Variants in LPXN observed in about 807,000 individuals in gnomAD.
The protein encoded by LPXN is leupaxin.
Under a neutral mutation model 45.6 loss-of-function variants are expected in LPXN, and 28 were observed. The ratio of observed to expected loss-of-function variants is 0.61; its 90% CI spans 0.45 to 0.84. The LOEUF (loss-of-function observed/expected upper bound fraction) is 0.84, where lower values mean the gene tolerates loss of function less well. Ranked by LOEUF, LPXN falls within the 40% of genes least tolerant of loss-of-function variation. The pLI is 0.00. For synonymous variants in LPXN, 166 were observed against 169.9 expected (o/e 0.98, Z 0.18); for missense variants, 459 against 475.0 (o/e 0.97, Z 0.31).
intron 7 of LPXN, among the ~76,000 whole-genome samples, chr11:58,533,194 T>C (rs990318812): frequency 6.6e-6 from 1 of 152,178 alleles, no homozygotes; most frequent in Admixed American, 6.5e-5. Context: ...GTCCGCGGCT[T>C]CATTCTTGAA....
At chr11:58,570,333 A>T (rs994118593) in intron 2 of LPXN, among the ~76,000 whole-genome samples, 1 of 151,588 alleles carries the variant, frequency 6.6e-6, no homozygotes, top group South Asian at 2.1e-4. Flanking sequence ...AAAAAATAAA[A>T]AAAATAAAAA....
chr11:58,569,827 T>C (rs919971439), intron 2 of LPXN, among the ~76,000 whole-genome samples: 1 of 152,208 alleles, frequency 6.6e-6, no homozygotes, highest in Non-Finnish European at 1.5e-5. Flanking sequence ...TGGGAAGTAG[T>C]GACCCTAAAA....
At chr11:58,576,545 T>C (rs952869696), upstream of LPXN, among the ~76,000 whole-genome samples, 5 of 152,220 alleles carry the variant, frequency 3.3e-5, no homozygotes, top group Non-Finnish European at 1.5e-5. Flanking sequence ...ACTCTTCACC[T>C]TTTTTACCAC....
intron 1 of LPXN, among the ~76,000 whole-genome samples, chr11:58,571,316 G>C (rs879456816): frequency 4.4e-4 from 67 of 151,178 alleles, no homozygotes; most frequent in Non-Finnish European, 4.6e-4. Flanking sequence ...AGCAGCCTGG[G>C]CCAAAGGAGT....
At chr11:58,567,622 T>A (rs1679572708) in intron 2 of LPXN, among the ~76,000 whole-genome samples, 1 of 152,252 alleles carries the variant, frequency 6.6e-6, no homozygotes, top group Admixed American at 6.5e-5. Context: ...GAAGTCATTT[T>A]AAGGCATATT....
At chr11:58,570,465 T>A in intron 2 of LPXN, 91 bp downstream of exon 2, 1 of 946,628 alleles carries the variant, frequency 1.1e-6, no homozygotes, top group Non-Finnish European at 1.6e-6. Context: ...TATATTATTC[T>A]CCTTTCATAT....
At chr11:58,564,872 C>T (rs1854482167) in intron 2 of LPXN, among the ~76,000 whole-genome samples, 1 of 152,076 alleles carries the variant, frequency 6.6e-6, no homozygotes, top group South Asian at 2.1e-4. Flanking sequence ...AACGCTTGAG[C>T]AAGGACTTAT....
At chr11:58,541,066 G>A (rs2120256660) in intron 7 of LPXN, among the ~76,000 whole-genome samples, 1 of 152,186 alleles carries the variant, frequency 6.6e-6, no homozygotes, top group African/African-American at 2.4e-5. Flanking sequence ...TTACATGTTA[G>A]ACCTAAAACC....
chr11:58,536,328 A>T (rs1451864249), intron 7 of LPXN, among the ~76,000 whole-genome samples: 1 of 152,214 alleles, frequency 6.6e-6, no homozygotes, highest in African/African-American at 2.4e-5. Flanking sequence ...ATCAATGGAC[A>T]GAACAAAGGC....
intron 2 of LPXN, 41 bp downstream of exon 2, chr11:58,570,515 C>A: frequency 6.8e-7 from 1 of 1,475,124 alleles, no homozygotes; most frequent in Non-Finnish European, 9.2e-7. Context: ...GAAATGCACT[C>A]AAACATCCAT....
chr11:58,551,184 C>A lies in LPXN; in HGVS notation c.367G>T (p.Asp123Tyr), dbSNP rs768945387. Residue 123 changes from aspartate (D) to tyrosine (Y), a missense_variant, in exon 5 of 9, where the codon GAT becomes TAT. Coordinates refer to ENST00000395074, the MANE Select transcript of LPXN (RefSeq NM_004811.3). ...ATTGAGTCCAGGGAGGCCTTGTGATCCTGCTTGTCTGGTAAGTGCTTCTTG... is the reference window on the plus strand; with the variant it reads ...ATTGAGTCCAGGGAGGCCTTGTGATACTGCTTGTCTGGTAAGTGCTTCTTG... Reference protein sequence around the residue: ...AGKKHLPDKQDHKASLDSMLG... With the variant: ...AGKKHLPDKQYHKASLDSMLG... 7 of 1,611,764 alleles carry A rather than the reference C, an allele frequency of 4.3e-6. No individual in the cohort carries two copies. The South Asian group carries it at 5.5e-5, about 13-fold the overall frequency.
At chr11:58,537,768 T>C (rs1180611288) in intron 7 of LPXN, among the ~76,000 whole-genome samples, 2 of 151,910 alleles carry the variant, frequency 1.3e-5, no homozygotes, top group Non-Finnish European at 2.9e-5. Context: ...AGAAATATTT[T>C]ATTTTATTTT....
chr11:58,573,571 C>T (rs1303512833), intron 1 of LPXN, among the ~76,000 whole-genome samples: 5 of 152,154 alleles, frequency 3.3e-5, no homozygotes, highest in Admixed American at 3.3e-4. Flanking sequence ...TATCAAAACC[C>T]TTCTTTCTGG....
chr11:58,560,545 C>T (rs1015996243), intron 3 of LPXN, among the ~76,000 whole-genome samples: 4 of 152,150 alleles, frequency 2.6e-5, no homozygotes, highest in Admixed American at 2.6e-4. Context: ...TTTTCCTACT[C>T]TTATGCAAAC....
intron 7 of LPXN, among the ~76,000 whole-genome samples, chr11:58,535,215 C>T (rs1056813015): frequency 1.1e-4 from 16 of 151,944 alleles, no homozygotes; most frequent in African/African-American, 3.4e-4. Flanking sequence ...AGAGACACAA[C>T]AAAAAAAGAA....
intron 7 of LPXN, among the ~76,000 whole-genome samples, chr11:58,546,508 AT>A (rs935907498): frequency 1.3e-5 from 2 of 152,150 alleles, no homozygotes; most frequent in African/African-American, 4.8e-5. Flanking sequence ...CCATTCCCCC[AT>A]CCCCTTTTTC....
At chr11:58,544,395 T>G (rs1299186375) in intron 7 of LPXN, among the ~76,000 whole-genome samples, 1 of 152,190 alleles carries the variant, frequency 6.6e-6, no homozygotes, top group Non-Finnish European at 1.5e-5. Context: ...CCCCAGGTGA[T>G]GCTGATGCTG....
At chr11:58,577,686 T>C (rs1854943210), upstream of LPXN, among the ~76,000 whole-genome samples, 1 of 151,642 alleles carries the variant, frequency 6.6e-6, no homozygotes, top group African/African-American at 2.4e-5. Context: ...CTGATAAAGT[T>C]GCTATTGTAT....
chr11:58,569,595 G>T (rs569462588), intron 2 of LPXN, among the ~76,000 whole-genome samples: 1 of 152,044 alleles, frequency 6.6e-6, no homozygotes, highest in East Asian at 1.9e-4. Context: ...TCACCATATG[G>T]CCCAGGCTGG....
Sources: allele counts gnomAD v4.1 joint callset (sites outside exome capture counted in the v4.1 genomes callset), GRCh38; gene constraint gnomAD v4.1.1; transcripts MANE v1.5; gene names NCBI Gene and HGNC (gene_info 2026-07-23, HGNC 2026-07-21).